The following PCDH11Y variants were observed in gnomAD, a reference collection of about 807,000 sequenced individuals.
The protein encoded by PCDH11Y is protocadherin 11 Y-linked.
For synonymous variants in PCDH11Y, 9 were observed against 83.6 expected (o/e 0.11, Z 4.87); for missense variants, 12 against 224.8 (o/e 0.05, Z 6.05).
intron 3 of PCDH11Y, among the ~76,000 whole-genome samples, chrY:5,570,344 A>G: frequency 3.4e-5 from 1 of 29,569 alleles, no homozygotes; most frequent in Non-Finnish European, 8.1e-5. Context: ...GGTTCTCCAC[A>G]GTAGATATCC....
chrY:5,594,769 C>T, intron 4 of PCDH11Y, among the ~76,000 whole-genome samples: 3 of 32,261 alleles, frequency 9.3e-5, no homozygotes, highest in Admixed American at 2.8e-4. Context: ...CCAAGGGGTG[C>T]GCAGGTTGGA....
intron 4 of PCDH11Y, among the ~76,000 whole-genome samples, chrY:5,682,893 T>C: frequency 3.1e-5 from 1 of 32,330 alleles, no homozygotes; most frequent in Non-Finnish European, 7.5e-5. Context: ...CTACATGAAA[T>C]GCTGAAAGGT....
chrY:5,242,610 T>TGA (rs2052989931), intron 2 of PCDH11Y, among the ~76,000 whole-genome samples: 1 of 25,448 alleles, frequency 3.9e-5, no homozygotes, highest in Non-Finnish European at 9.0e-5. Context: ...ATGGTTAGGC[T>TGA]GAGAGAACTA....
chrY:5,719,498 T>C, intron 4 of PCDH11Y, among the ~76,000 whole-genome samples: 1 of 33,414 alleles, frequency 3.0e-5, no homozygotes, highest in African/African-American at 1.2e-4. Context: ...AGACATTGTT[T>C]CAGAGGGTTC....
chrY:5,284,263 A>G (rs2053057586), intron 2 of PCDH11Y, among the ~76,000 whole-genome samples: 1 of 32,799 alleles, frequency 3.0e-5, no homozygotes, highest in Non-Finnish European at 7.6e-5. Context: ...ATGCAGATTT[A>G]TATCATACCT....
Position 5,560,156 on chromosome Y carries a change from G to T in PCDH11Y, c.3329-21619G>T, listed in dbSNP as rs565748394. On this transcript the variant is annotated intron_variant, in intron 3 of 4. Coordinates refer to the PCDH11Y transcript ENST00000400457. ...GGTAGCATTTTGCCCCTTCTCTAAA[G>T]ATTTGTGGAATTTTGAACTTGAGAG... 6.0e-3 allele frequency among the ~76,000 whole-genome samples: 198 copies of T among 33,102 alleles called. No homozygotes were observed. In the South Asian group the frequency reaches 0.13, roughly 22 times the overall value. 88.8% of individuals were successfully genotyped at this position (33,102 alleles called of 37,273 possible). A position where few individuals can be genotyped will look rare whatever the true frequency, so the allele number is the denominator to read the frequency against.
At chrY:5,082,333 A>G in intron 1 of PCDH11Y, among the ~76,000 whole-genome samples, 1 of 32,861 alleles carries the variant, frequency 3.0e-5, no homozygotes, top group Non-Finnish European at 7.5e-5. Flanking sequence ...AAGTTTCATT[A>G]TTTATTTTTA....
intron 2 of PCDH11Y, among the ~76,000 whole-genome samples, chrY:5,250,695 T>C (rs2053003052): frequency 9.6e-5 from 3 of 31,280 alleles, no homozygotes; most frequent in African/African-American, 3.8e-4. Context: ...TAAAATAATC[T>C]GTACAACAAA....
chrY:5,012,932 C>T (rs2052554747), intron 1 of PCDH11Y, among the ~76,000 whole-genome samples: 1 of 27,084 alleles, frequency 3.7e-5, no homozygotes, highest in Non-Finnish European at 8.7e-5. Context: ...TCACTGCAAG[C>T]TCCGCCTCCC....
At chrY:5,440,659 T>C in intron 2 of PCDH11Y, among the ~76,000 whole-genome samples, 2 of 28,787 alleles carry the variant, frequency 6.9e-5, no homozygotes. Context: ...TGCAATCTGC[T>C]AAAATGAGTA....
At chrY:5,076,629 A>T in intron 1 of PCDH11Y, among the ~76,000 whole-genome samples, 2 of 33,422 alleles carry the variant, frequency 6.0e-5, no homozygotes, top group African/African-American at 2.3e-4. Flanking sequence ...ATTCATCTGC[A>T]TGTGGATATC....
chrY:5,081,140 G>GT (rs35141330), intron 1 of PCDH11Y, among the ~76,000 whole-genome samples: 47 of 25,806 alleles, frequency 1.8e-3, no homozygotes, highest in Non-Finnish European at 3.8e-3. Context: ...CCCATTGCTT[G>GT]TTTTTTTTTT....
intron 2 of PCDH11Y, among the ~76,000 whole-genome samples, chrY:5,356,656 C>G: frequency 1.0e-4 from 3 of 28,846 alleles, no homozygotes; most frequent in Non-Finnish European, 8.1e-5. Flanking sequence ...GTGGGAGGAT[C>G]ACCTGAGGTC....
intron 4 of PCDH11Y, among the ~76,000 whole-genome samples, chrY:5,597,603 C>CAT (rs2053468867): frequency 3.5e-5 from 1 of 28,685 alleles, no homozygotes; most frequent in Non-Finnish European, 8.2e-5. Context: ...AAGGTGGTAT[C>CAT]ATATATATAT....
At chrY:5,333,471 C>T (rs2053133132) in intron 2 of PCDH11Y, among the ~76,000 whole-genome samples, 1 of 33,483 alleles carries the variant, frequency 3.0e-5, no homozygotes. Flanking sequence ...TAGACAGAGA[C>T]GATTTAGTAA....
At chrY:5,308,356 T>A in intron 2 of PCDH11Y, among the ~76,000 whole-genome samples, 1 of 33,082 alleles carries the variant, frequency 3.0e-5, no homozygotes, top group South Asian at 6.7e-4. Context: ...ATATGATAAC[T>A]ATAACTCTAT....
chrY:5,343,722 A>G (rs2124669349), intron 2 of PCDH11Y, among the ~76,000 whole-genome samples: 2 of 28,746 alleles, frequency 7.0e-5, no homozygotes, highest in South Asian at 1.6e-3. Context: ...GGCTCAAGCA[A>G]TTTTTCCCAC....
At chrY:5,265,299 C>A in intron 2 of PCDH11Y, among the ~76,000 whole-genome samples, 1 of 29,852 alleles carries the variant, frequency 3.3e-5, no homozygotes, top group Non-Finnish European at 7.9e-5. Context: ...AGTGGACAAT[C>A]AGTGGAGGCT....
chrY:5,519,119 G>A (rs34291155), intron 3 of PCDH11Y, among the ~76,000 whole-genome samples: 1 of 32,623 alleles, frequency 3.1e-5, no homozygotes, highest in African/African-American at 1.2e-4. Context: ...GGCCGGGCGC[G>A]GTGGTTCACG....
Sources: allele counts gnomAD v4.1 joint callset (sites outside exome capture counted in the v4.1 genomes callset), GRCh38; gene constraint gnomAD v4.1.1; transcripts MANE v1.5; gene names NCBI Gene and HGNC (gene_info 2026-07-23, HGNC 2026-07-21).